Variants in ZYG11B observed in about 807,000 individuals in gnomAD.
The protein encoded by ZYG11B is zyg-11 family member B, cell cycle regulator.
Under a neutral mutation model 82.4 loss-of-function variants are expected in ZYG11B, and 36 were observed. The ratio of observed to expected loss-of-function variants is 0.44; its 90% CI spans 0.33 to 0.58. The LOEUF is 0.58. Ranked by LOEUF, ZYG11B falls within the 20% of genes least tolerant of loss-of-function variation. The pLI, the probability that ZYG11B is intolerant of heterozygous loss-of-function variation, is 0.02. For missense variants in ZYG11B, 552 were observed against 895.6 expected (o/e 0.62, Z 4.90); for synonymous variants, 303 against 312.8 (o/e 0.97, Z 0.33).
At chr1:52,746,105 G>C (rs1482068845) in intron 1 of ZYG11B, among the ~76,000 whole-genome samples, 1 of 151,650 alleles carries the variant, frequency 6.6e-6, no homozygotes, top group Non-Finnish European at 1.5e-5. Context: ...CTACAGGCGC[G>C]TGCCACCACG....
At chr1:52,751,734 T>C in intron 1 of ZYG11B, among the ~76,000 whole-genome samples, 1 of 152,122 alleles carries the variant, frequency 6.6e-6, no homozygotes, top group South Asian at 2.1e-4. Flanking sequence ...AGAGTTTTTG[T>C]ATGCTAATGA....
At chr1:52,735,087 A>G (rs186312925) in intron 1 of ZYG11B, among the ~76,000 whole-genome samples, 17 of 147,484 alleles carry the variant, frequency 1.2e-4, no homozygotes, top group African/African-American at 3.0e-4. Context: ...CTGGAGTGCA[A>G]TGGCGCGATC....
At chr1:52,745,501 G>A (rs1172383038) in intron 1 of ZYG11B, among the ~76,000 whole-genome samples, 2 of 152,134 alleles carry the variant, frequency 1.3e-5, no homozygotes, top group Non-Finnish European at 2.9e-5. Context: ...AGTAGACACT[G>A]AAACATTTAC....
At chr1:52,797,140 ATTATATATTATATAT>A (rs1558137527) in intron 8 of ZYG11B, among the ~76,000 whole-genome samples, 1 of 72,886 alleles carries the variant, frequency 1.4e-5, no homozygotes, top group Non-Finnish European at 2.2e-5. Context: ...ATATTTATAT[ATTATATATTATATAT>A]TTATATATTA....
chr1:52,803,636 C>T (rs910199481), intron 10 of ZYG11B, among the ~76,000 whole-genome samples: 5 of 152,122 alleles, frequency 3.3e-5, no homozygotes, highest in African/African-American at 1.2e-4. Context: ...GTCTGTCACT[C>T]TGTTGCCCAT....
At chr1:52,773,591 G>A (rs1372203245) in intron 3 of ZYG11B, among the ~76,000 whole-genome samples, 1 of 76,506 alleles carries the variant, frequency 1.3e-5, no homozygotes, top group Non-Finnish European at 2.4e-5. Flanking sequence ...ATAGATGTAT[G>A]CTTTAAACTA....
chr1:52,728,756 A>C (rs926907463), intron 1 of ZYG11B, among the ~76,000 whole-genome samples: 18 of 152,122 alleles, frequency 1.2e-4, no homozygotes, highest in Non-Finnish European at 2.2e-4. Context: ...GTGTCCTTTG[A>C]GCTGGGCCTG....
chr1:52,811,323 C>T (rs1645181016), intron 10 of ZYG11B, among the ~76,000 whole-genome samples: 1 of 152,022 alleles, frequency 6.6e-6, no homozygotes, highest in Non-Finnish European at 1.5e-5. Context: ...TTTTTTCATA[C>T]CCTCTCTAAT....
intron 10 of ZYG11B, 36 bp downstream of exon 10, chr1:52,802,175 A>C (rs575292676): frequency 6.3e-7 from 1 of 1,585,818 alleles, no homozygotes; most frequent in East Asian, 2.2e-5. Context: ...GTTCCAAGCT[A>C]TATTTATTTT....
At chr1:52,813,987 T>C in intron 12 of ZYG11B, 75 bp downstream of exon 12, 4 of 1,420,302 alleles carry the variant, frequency 2.8e-6, no homozygotes, top group East Asian at 2.3e-5. Context: ...TCCTACTAGA[T>C]GCATAATTTT....
chr1:52,794,843 TCTTCA>T (rs1644994764), intron 6 of ZYG11B, among the ~76,000 whole-genome samples: 1 of 152,228 alleles, frequency 6.6e-6, no homozygotes, highest in African/African-American at 2.4e-5. Flanking sequence ...CATCCATTTC[TCTTCA>T]CTTCCATTTC....
At chr1:52,819,004 G>C (rs72668690) in intron 13 of ZYG11B, among the ~76,000 whole-genome samples, 16 of 152,024 alleles carry the variant, frequency 1.1e-4, no homozygotes, top group Middle Eastern at 3.4e-3. Context: ...ATTTTGGCCA[G>C]ACTGGTCTCG....
chr1:52,737,530 G>T (rs964549908), intron 1 of ZYG11B, among the ~76,000 whole-genome samples: 1 of 152,114 alleles, frequency 6.6e-6, no homozygotes, highest in Admixed American at 6.5e-5. Context: ...ACTTTGGGAG[G>T]CCGAGGCGGG....
At chr1:52,772,238 T>G in intron 3 of ZYG11B, 1 of 1,363,388 alleles carries the variant, frequency 7.3e-7, no homozygotes, top group Non-Finnish European at 1.1e-6. Flanking sequence ...TATTTCCAAC[T>G]GGGAGGGAGG....
At chr1:52,767,504 C>A (rs1030147599) in intron 2 of ZYG11B, among the ~76,000 whole-genome samples, 1 of 152,070 alleles carries the variant, frequency 6.6e-6, no homozygotes, top group Admixed American at 6.6e-5. Flanking sequence ...GGGGTTTCAC[C>A]ATGTTGGCCA....
Position 52,771,927 on chromosome 1 carries a change from G to A in ZYG11B, c.951+153G>A, listed in dbSNP as rs891541529. ...GCTTAGAGTCCTAATTAAAATCTCA[G>A]CTTCATGACCCAGAACAAGCTATGA... is the stretch of plus-strand genomic sequence containing the variant. On this transcript the variant is annotated intron_variant, in intron 3 of 13. Transcript: ENST00000294353. The surrounding 1 kb of genome is among the most constrained non-coding windows in gnomAD (Gnocchi z 5.4). Among the ~76,000 whole-genome samples, 1 of 152,102 alleles carries A rather than the reference G, an allele frequency of 6.6e-6. No individual in the cohort carries two copies. Among genetic ancestry groups the A allele is most frequent in the Non-Finnish European group, 1.5e-5 (1 of 68,020 alleles).
intron 2 of ZYG11B, among the ~76,000 whole-genome samples, chr1:52,764,848 G>A (rs1214092840): frequency 6.6e-6 from 1 of 152,172 alleles, no homozygotes; most frequent in Admixed American, 6.6e-5. Context: ...AAGGAGGGAA[G>A]TCAGTAACAT....
intron 1 of ZYG11B, among the ~76,000 whole-genome samples, chr1:52,750,021 G>A (rs59101150): frequency 6.6e-6 from 1 of 152,318 alleles, no homozygotes; most frequent in African/African-American, 2.4e-5. Context: ...GTTTGGATAA[G>A]ATGACCTCTA....
At chr1:52,744,530 G>A (rs886286926) in intron 1 of ZYG11B, among the ~76,000 whole-genome samples, 3 of 152,180 alleles carry the variant, frequency 2.0e-5, no homozygotes, top group Non-Finnish European at 4.4e-5. Flanking sequence ...CAGTTCTACT[G>A]TTGTTCTTAA....
Sources: allele counts gnomAD v4.1 joint callset (sites outside exome capture counted in the v4.1 genomes callset), GRCh38; gene constraint gnomAD v4.1.1; non-coding constraint Gnocchi (gnomAD v3.1); transcripts MANE v1.5; gene names NCBI Gene and HGNC (gene_info 2026-07-23, HGNC 2026-07-21).